The following SKIL variants were observed in gnomAD, a reference collection of about 807,000 sequenced individuals.
The protein encoded by SKIL is SKI like proto-oncogene.
A neutral mutation model predicts 69.6 loss-of-function variants in SKIL; 20 were observed. The observed-to-expected ratio is 0.29, with a 90% CI of 0.20 to 0.42. The LOEUF is 0.42. Among genes scored for constraint, SKIL ranks in the 10% least tolerant of loss-of-function variants. The pLI is 1.00. For missense variants in SKIL, 745 were observed against 783.1 expected (o/e 0.95, Z 0.58); for synonymous variants, 310 against 279.9 (o/e 1.11, Z -1.08).
chr3:170,369,266 AAAG>A (rs1560209813), intron 2 of SKIL, among the ~76,000 whole-genome samples: 2 of 151,898 alleles, frequency 1.3e-5, no homozygotes, highest in African/African-American at 4.8e-5. Context: ...TAGAAACTTT[AAAG>A]AAGAAAAACA....
chr3:170,382,897 T>G (rs968209531), intron 3 of SKIL, among the ~76,000 whole-genome samples: 4 of 151,736 alleles, frequency 2.6e-5, no homozygotes, highest in Non-Finnish European at 4.4e-5. Flanking sequence ...TTTTGTATTT[T>G]TAGAAGAGAC....
chr3:170,372,240 G>T (rs1736832538), intron 2 of SKIL, among the ~76,000 whole-genome samples: 2 of 152,132 alleles, frequency 1.3e-5, no homozygotes, highest in South Asian at 2.1e-4. Context: ...TTCCATTAAG[G>T]ACTCAAAATA....
chr3:170,360,343 C>T lies in SKIL; in HGVS notation c.12C>T (p.Leu4=). MEN[L]QTNFSLVQGS... The stretch of plus-strand genomic sequence containing the variant: ...CAGAAGAGTGTACCATGGAAAACCT[C>T]CAGACAAATTTCTCCTTGGTTCAGG... The change falls in exon 2 of 7, where the codon CTC becomes CTT. Residue 4 remains leucine (L), a synonymous_variant. Transcript: ENST00000259119. 3 of 1,557,402 alleles carry T rather than the reference C, an allele frequency of 1.9e-6. 1 individual carries two copies. Among genetic ancestry groups the T allele is most frequent in the Non-Finnish European group, 2.6e-6 (3 of 1,156,348 alleles).
At chr3:170,371,442 G>A (rs932961410) in intron 2 of SKIL, among the ~76,000 whole-genome samples, 2 of 152,222 alleles carry the variant, frequency 1.3e-5, no homozygotes, top group Non-Finnish European at 2.9e-5. Flanking sequence ...AGGAATCGGA[G>A]GTTGCAATGA....
At chr3:170,379,526 A>G (rs1306467661) in intron 2 of SKIL, among the ~76,000 whole-genome samples, 1 of 152,138 alleles carries the variant, frequency 6.6e-6, no homozygotes, top group East Asian at 1.9e-4. Flanking sequence ...GTAATTTCGT[A>G]TAATAGGAAA....
rs1736826002 is a variant in SKIL at position 170,372,039 on chromosome 3, A to G, written c.1099-9205A>G. ...AAAGTAAAGCCTTAGAATTATACAG[A>G]TTAAAATTTTTGACAAATAGTGGAA... On this transcript the variant is annotated intron_variant, in intron 2 of 6. Transcript: ENST00000259119. 2.0e-5 allele frequency among the ~76,000 whole-genome samples: 3 copies of G among 152,352 alleles called. No individual in the cohort carries two copies. The South Asian group carries it at 6.2e-4, about 32-fold the overall frequency.
At chr3:170,371,689 G>T (rs1268897780) in intron 2 of SKIL, among the ~76,000 whole-genome samples, 1 of 152,152 alleles carries the variant, frequency 6.6e-6, no homozygotes, top group Non-Finnish European at 1.5e-5. Flanking sequence ...TGCTGGTTTT[G>T]TCATTTCTCC....
At chr3:170,370,749 G>A (rs1196822149) in intron 2 of SKIL, among the ~76,000 whole-genome samples, 2 of 152,038 alleles carry the variant, frequency 1.3e-5, no homozygotes, top group Non-Finnish European at 2.9e-5. Flanking sequence ...CTAAAAGTTT[G>A]GGTAACATAG....
Position 170,390,366 on chromosome 3 carries a change from G to A in SKIL, c.1573G>A (p.Asp525Asn). The A allele has an allele frequency of 6.2e-7, 1 of 1,614,042 alleles. No homozygotes were observed. Among genetic ancestry groups the A allele is most frequent in the Non-Finnish European group, 8.5e-7 (1 of 1,179,916 alleles). Residue 525 changes from aspartate to asparagine, a missense_variant, in exon 5 of 7, where the codon GAT becomes AAT. Physicochemically the swap from Asp to Asn is conservative, Grantham distance 23. Transcript: ENST00000259119. Reference sequence around the variant, plus strand: ...TCTTGTGAAAGATGTCATTTGTGAGGATGATAAGGGAAAAATCATGGAAGA... The same window carrying A: ...TCTTGTGAAAGATGTCATTTGTGAGAATGATAAGGGAAAAATCATGGAAGA... ...PLLVKDVICE[D>N]DKGKIMEEVM...
intron 2 of SKIL, among the ~76,000 whole-genome samples, chr3:170,363,308 G>A (rs759159091): frequency 1.3e-5 from 2 of 152,108 alleles, no homozygotes; most frequent in African/African-American, 4.8e-5. Flanking sequence ...TGCCTTTAAG[G>A]TTTTGAGGGA....
chr3:170,358,182 C>T (rs543239644), intron 1 of SKIL, among the ~76,000 whole-genome samples: 2 of 152,328 alleles, frequency 1.3e-5, no homozygotes, highest in South Asian at 2.1e-4. Flanking sequence ...GCCTAAACTG[C>T]CCTGGTGTCC....
intron 5 of SKIL, 105 bp from the exon 6 acceptor site, chr3:170,390,931 T>G (rs774660840): frequency 2.8e-5 from 18 of 645,108 alleles, no homozygotes; most frequent in Non-Finnish European, 4.1e-5. Flanking sequence ...GAACTGATAA[T>G]GATAGCTGAA....
chr3:170,360,253 C>G lies in SKIL; in HGVS notation c.-79C>G, dbSNP rs1190768344. The G allele has an allele frequency of 1.5e-6, 2 of 1,320,616 alleles. No homozygotes were observed. The highest frequency in any genetic ancestry group is 2.1e-6 in the Non-Finnish European group (2 of 964,882). The allele number at this position is 1,320,616 out of a possible 1,614,324, so 81.8% of individuals were successfully genotyped here. A position where few individuals can be genotyped will look rare whatever the true frequency, so the allele number is the denominator to read the frequency against. The stretch of plus-strand genomic sequence containing the variant: ...GTTACGATAGGCATTTGTATCCATT[C>G]ATTACTTTCCTCTTTTCAAATAAGC... On this transcript the variant is annotated 5_prime_UTR_variant, in exon 2 of 7. Coordinates refer to ENST00000259119, the MANE Select transcript of SKIL (RefSeq NM_005414.5).
Position 170,361,420 on chromosome 3 carries a change from T to A in SKIL, c.1089T>A (p.Asn363Lys), listed in dbSNP as rs765296812. ...TTAGCATGAGAAGTGGAAAGAGAAA[T>A]CAATCCAAGGCAAGTTTTTTATATC... ...EKFSMRSGKRNQSKTDAPSGM... is the reference protein window; with the variant it reads ...EKFSMRSGKRKQSKTDAPSGM... The change falls in exon 2 of 7, where the codon AAT (asparagine) becomes AAA (lysine). Residue 363 changes from asparagine to lysine, a missense_variant. Physicochemically the swap from Asn to Lys is moderately conservative, Grantham distance 94 (BLOSUM62 0). Coordinates refer to ENST00000259119, the MANE Select transcript of SKIL (RefSeq NM_005414.5). The A allele has an allele frequency of 4.5e-6, 7 of 1,569,556 alleles. No individual in the cohort carries two copies. The South Asian group carries it at 8.4e-5, about 19-fold the overall frequency.
At position 170,381,296 on chromosome 3, in the gene SKIL, A is replaced by G. The variant is rs926444116; in HGVS notation, c.1151A>G (p.Gln384Arg). 4.4e-6 allele frequency: 7 copies of G among 1,601,752 alleles called. No individual in the cohort carries two copies. The highest frequency in any genetic ancestry group is 2.7e-5 in the African/African-American group (2 of 74,652). The change falls in exon 3 of 7, where the codon CAG becomes CGG. Residue 384 changes from glutamine to arginine, a missense_variant. Physicochemically the swap from Gln to Arg is conservative, Grantham distance 43. Coordinates refer to ENST00000259119, the MANE Select transcript of SKIL (RefSeq NM_005414.5). ...ELQSWYPVIK[Q>R]EGDHVSQTHS... ...CAGTCATGGTATCCTGTTATAAAGC[A>G]GGAAGGTGACCATGTTTCTCAGACA...
intron 2 of SKIL, among the ~76,000 whole-genome samples, chr3:170,370,187 C>T (rs999245936): frequency 4.7e-4 from 71 of 152,010 alleles, no homozygotes; most frequent in African/African-American, 1.6e-3. Flanking sequence ...TGCAGTGAGC[C>T]GAGATCGCGC....
chr3:170,386,914 T>C (rs1210780980), intron 4 of SKIL, among the ~76,000 whole-genome samples: 1 of 152,264 alleles, frequency 6.6e-6, no homozygotes, highest in Non-Finnish European at 1.5e-5. Context: ...AGATAATTTA[T>C]ATACCATAAA....
chr3:170,392,032 G>GTTA (rs1351307147), intron 6 of SKIL, among the ~76,000 whole-genome samples: 1 of 152,168 alleles, frequency 6.6e-6, no homozygotes, highest in East Asian at 1.9e-4. Context: ...AGGGCATAAT[G>GTTA]AACATGAACA....
chr3:170,376,546 C>A (rs1011678013), intron 2 of SKIL, among the ~76,000 whole-genome samples: 1 of 152,102 alleles, frequency 6.6e-6, no homozygotes, highest in African/African-American at 2.4e-5. Flanking sequence ...GTATACAGAA[C>A]ATAATTTAGC....
Sources: gnomAD v4.1 joint callset for allele counts (sites outside exome capture counted in the v4.1 genomes callset) on GRCh38, gnomAD v4.1.1 for gene constraint, MANE v1.5 for transcripts, NCBI Gene and HGNC (gene_info 2026-07-23, HGNC 2026-07-21) for gene names.